Variants in TACC3 observed in about 807,000 individuals in gnomAD.
TACC3 encodes the protein transforming acidic coiled-coil-containing protein 3.
Under a neutral mutation model 86.0 loss-of-function variants are expected in TACC3, and 52 were observed. The observed-to-expected ratio is 0.60, with a 90% CI of 0.48 to 0.76. The LOEUF (loss-of-function observed/expected upper bound fraction) is 0.76. TACC3 is among the 30% of genes least tolerant of loss of function. The probability of loss-of-function intolerance (pLI) is 0.00; values close to 1 mark genes in which losing one functional copy is unlikely to be tolerated. For missense variants in TACC3, 1,120 were observed against 1,070.4 expected, an observed-to-expected ratio of 1.05 and a Z score of -0.65; for synonymous variants, 512 against 430.0, an observed-to-expected ratio of 1.19 and a Z score of -2.36.
chr4:1,727,601 C>T, intron 3 of TACC3, 107 bp from the exon 4 acceptor site: 1 of 1,502,176 alleles, frequency 6.7e-7, no homozygotes, highest in Non-Finnish European at 8.9e-7. Context: ...GGTGACTCAG[C>T]CCTGCTTCTG....
chr4:1,727,946 G>A lies in TACC3; in HGVS notation c.544G>A (p.Val182Met), dbSNP rs766194830. ...AGTGTCTGGCAGCCCTGAGCAAGCC[G>A]TGGAGGAAAACCTTAGTTCCTATTC... ...GKVSGSPEQA[V>M]EENLSSYSLD... The change falls in exon 4 of 16, where the codon GTG (valine) becomes ATG (methionine). Residue 182 changes from valine to methionine, a missense_variant. Transcript: ENST00000313288. 2.0e-5 allele frequency: 33 copies of A among 1,613,702 alleles called. No individual in the cohort carries two copies. Among genetic ancestry groups the A allele is most frequent in the East Asian group, 4.5e-5 (2 of 44,898 alleles).
upstream of TACC3, chr4:1,720,667 G>A (rs1228932143): frequency 6.5e-7 from 1 of 1,547,446 alleles, no homozygotes; most frequent in Non-Finnish European, 8.7e-7. This position sits in a 1 kb window ranked among gnomAD's most constrained non-coding sequence, Gnocchi z 4.4. Flanking sequence ...ACAGCGTGGC[G>A]GCCGTGCGGC....
intron 13 of TACC3, among the ~76,000 whole-genome samples, chr4:1,743,319 C>G (rs1371332371): frequency 6.6e-6 from 1 of 151,250 alleles, no homozygotes; most frequent in African/African-American, 2.4e-5. Context: ...CTTTGGGAGG[C>G]CGAGGCGGGT....
chr4:1,731,343 G>A (rs1272653791), intron 6 of TACC3, 42 bp downstream of exon 6: 2 of 1,599,588 alleles, frequency 1.3e-6, no homozygotes, highest in Non-Finnish European at 1.7e-6. Context: ...TCTGCCCGGA[G>A]GGGATCCCGT....
rs1394193840 is a variant in TACC3, at chr4:1,735,185, C to T, written c.1592-88C>T. The T allele has an allele frequency of 3.3e-6, 5 of 1,533,796 alleles. No individual in the cohort carries two copies. In the Admixed American group the frequency reaches 8.5e-5, roughly 26 times the overall value. ...AATACTGCTGGCTGGAATGATCCTGCCTCACTGAGTGCTGAGGGAGACACC... is the reference window on the plus strand; with the variant it reads ...AATACTGCTGGCTGGAATGATCCTGTCTCACTGAGTGCTGAGGGAGACACC... On this transcript the variant is annotated intron_variant, in intron 6 of 15. Coordinates refer to ENST00000313288, the MANE Select transcript of TACC3 (RefSeq NM_006342.3). This position sits in a 1 kb window ranked among gnomAD's most constrained non-coding sequence, Gnocchi z 4.2.
intron 8 of TACC3, among the ~76,000 whole-genome samples, chr4:1,736,599 G>T (rs1181866242): frequency 6.6e-6 from 1 of 151,938 alleles, no homozygotes; most frequent in Admixed American, 6.6e-5. Flanking sequence ...TGTGACAGAG[G>T]CTGTGTGGCC....
Position 1,728,358 on chromosome 4 carries a change from AG to A in TACC3, c.958del (p.Glu320LysfsTer17). 6.2e-7 allele frequency: 1 copy of A among 1,613,176 alleles called. No individual in the cohort carries two copies. Among genetic ancestry groups the A allele is most frequent in the Non-Finnish European group, 8.5e-7 (1 of 1,180,018 alleles). On this transcript the variant is annotated frameshift_variant, in exon 4 of 16. Transcript: ENST00000313288. LOFTEE classifies it high-confidence loss of function. ...VAGRAMTLSP[Q>X]EEVAAGQMAS... is the part of the protein sequence containing the mutation. ...GGCAGGGCCATGACCCTGAGTCCTC[AG>A]GAAGAAGTGGCTGCAGGCCAAATGG...
intron 10 of TACC3, among the ~76,000 whole-genome samples, chr4:1,738,773 T>C (rs1490956433): frequency 1.3e-5 from 2 of 152,206 alleles, no homozygotes; most frequent in African/African-American, 4.8e-5. Context: ...CCAATTCCAA[T>C]TGGCTATTTT....
At chr4:1,731,428 T>C in intron 6 of TACC3, 127 bp downstream of exon 6, 1 of 1,083,840 alleles carries the variant, frequency 9.2e-7, no homozygotes, top group Non-Finnish European at 1.3e-6. Context: ...CCCTTGACTT[T>C]GAATGACTCA....
intron 10 of TACC3, 43 bp downstream of exon 10, chr4:1,737,745 G>A (rs556405734): frequency 2.2e-5 from 34 of 1,522,538 alleles, no homozygotes; most frequent in South Asian, 3.6e-5. Context: ...CCTGCAGGCC[G>A]CTCTGGGGCT....
At chr4:1,720,647 G>A (rs1018660172), upstream of TACC3, 1 of 1,543,406 alleles carries the variant, frequency 6.5e-7, no homozygotes, top group Non-Finnish European at 8.7e-7. This position sits in a 1 kb window ranked among gnomAD's most constrained non-coding sequence, Gnocchi z 4.4. Flanking sequence ...CGGCAGCAGC[G>A]AGTGGCACAA....
Position 1,723,045 on chromosome 4 carries a change from C to T in TACC3, c.-1-376C>T, listed in dbSNP as rs546315589. On this transcript the variant is annotated intron_variant, in intron 1 of 15. Transcript: ENST00000313288. ...AGACCAGGGCTTCCTCTGGCTCATC[C>T]GGGTTTCTTATTGGCCCGGGCTTTT... 62 of 189,584 alleles carry T rather than the reference C, an allele frequency of 3.3e-4. No individual in the cohort carries two copies. The South Asian group carries it at 4.4e-3, about 13-fold the overall frequency. 11.7% of individuals were successfully genotyped at this position (189,584 alleles called of 1,614,324 possible).
chr4:1,728,767 G>C lies in TACC3; in HGVS notation c.1365G>C (p.Glu455Asp). The C allele has an allele frequency of 1.9e-6, 3 of 1,608,882 alleles. No individual in the cohort carries two copies. In the South Asian group the frequency reaches 3.3e-5, roughly 18 times the overall value. Residue 455 changes from glutamate (E) to aspartate (D), a missense_variant, in exon 4 of 16, where the codon GAG (glutamate) becomes GAC (aspartate). By Grantham distance (45) the Glu-to-Asp change is conservative (BLOSUM62 2). Transcript: ENST00000313288. ...EQLHAGPATE[E>D]PGPCLSQQLH... ...TGCATGCTGGGCCTGCCACGGAGGA[G>C]CCAGGTCCCTGTCTGAGCCAGTAAG... is the stretch of plus-strand genomic sequence containing the variant.
At chr4:1,737,368 T>G (rs1351932871) in intron 9 of TACC3, 40 bp downstream of exon 9, 2 of 1,581,956 alleles carry the variant, frequency 1.3e-6, no homozygotes, top group Non-Finnish European at 1.7e-6. Context: ...TTGTGTGTGG[T>G]CTGAGGGAAC....
chr4:1,736,196 G>T (rs1718254587), intron 8 of TACC3, among the ~76,000 whole-genome samples: 1 of 152,202 alleles, frequency 6.6e-6, no homozygotes, highest in South Asian at 2.1e-4. Context: ...GGCCGAGGTG[G>T]ATGGATAGCC....
At chr4:1,733,217 T>C (rs1016143342) in intron 6 of TACC3, among the ~76,000 whole-genome samples, 2 of 152,214 alleles carry the variant, frequency 1.3e-5, no homozygotes, top group African/African-American at 2.4e-5. Flanking sequence ...GATATCTTCT[T>C]TGGGAAAGTG....
Position 1,740,028 on chromosome 4 carries a change from C to T in TACC3, c.2062+26C>T, listed in dbSNP as rs377369763. Reference sequence around the variant, plus strand: ...GTGAGTGCCCGGGCCACCGAGGCCACGTGCCTCCACGAGGGGCTGCCTATG... The same window carrying T: ...GTGAGTGCCCGGGCCACCGAGGCCATGTGCCTCCACGAGGGGCTGCCTATG... On this transcript the variant is annotated intron_variant, in intron 12 of 15. Transcript: ENST00000313288. 129 of 1,612,188 alleles carry T rather than the reference C, an allele frequency of 8.0e-5. No homozygotes were observed. The South Asian group carries it at 1.3e-3, about 16-fold the overall frequency.
chr4:1,728,226 G>T lies in TACC3; in HGVS notation c.824G>T (p.Cys275Phe). ...GGTCTGCCTGGCGAAGCCCTGGGCT[G>T]CCCTGCGGGTGTGGGCACCCCCGTG... ...LQGLPGEALG[C>F]PAGVGTPVPA... The change falls in exon 4 of 16, where the codon TGC becomes TTC. Residue 275 changes from cysteine to phenylalanine, a missense_variant. By Grantham distance (205) the Cys-to-Phe change is radical. Coordinates refer to ENST00000313288, the MANE Select transcript of TACC3 (RefSeq NM_006342.3). The T allele has an allele frequency of 6.2e-7, 1 of 1,611,674 alleles. No individual in the cohort carries two copies. The highest frequency in any genetic ancestry group is 1.7e-5 in the Admixed American group (1 of 59,864).
intron 13 of TACC3, 119 bp downstream of exon 13, chr4:1,741,105 A>C: frequency 1.0e-6 from 1 of 985,910 alleles, no homozygotes; most frequent in Non-Finnish European, 1.5e-6. Context: ...TCCCCTTGCC[A>C]CGGGGGCATG....
Sources: gnomAD v4.1 joint callset for allele counts (sites outside exome capture counted in the v4.1 genomes callset) on GRCh38, gnomAD v4.1.1 for gene constraint, Gnocchi (gnomAD v3.1) non-coding constraint, MANE v1.5 for transcripts, NCBI Gene and HGNC (gene_info 2026-07-23, HGNC 2026-07-21) for gene names.